The following SPAST variants were observed in gnomAD, a reference collection of about 807,000 sequenced individuals.
SPAST encodes spastin.
A neutral mutation model predicts 76.6 loss-of-function variants in SPAST; 30 were observed. The observed-to-expected ratio is 0.39, with a 90% confidence interval of 0.29 to 0.53. The LOEUF (loss-of-function observed/expected upper bound fraction) is 0.53. SPAST is among the 20% of genes least tolerant of loss of function. The pLI is 0.68. For missense variants in SPAST, 717 were observed against 770.5 expected, an observed-to-expected ratio of 0.93 and a Z score of 0.82; for synonymous variants, 305 against 281.0, an observed-to-expected ratio of 1.09 and a Z score of -0.86.
intron 1 of SPAST, among the ~76,000 whole-genome samples, chr2:32,085,067 A>G (rs947528097): frequency 1.2e-4 from 18 of 152,158 alleles, no homozygotes; most frequent in East Asian, 9.6e-4. Context: ...ACTATTTTCT[A>G]TAATTTTCCC....
intron 7 of SPAST, among the ~76,000 whole-genome samples, chr2:32,118,550 A>G (rs914690128): frequency 3.3e-5 from 5 of 152,224 alleles, no homozygotes; most frequent in East Asian, 1.9e-4. Context: ...AGTAAATGCT[A>G]TAGACTAAAT....
chr2:32,095,714 G>A (rs994191611), intron 3 of SPAST, among the ~76,000 whole-genome samples: 5 of 152,088 alleles, frequency 3.3e-5, no homozygotes, highest in Non-Finnish European at 7.4e-5. Flanking sequence ...ACTCTAGTCT[G>A]GGTGACAGAG....
chr2:32,076,232 G>C (rs935636509), intron 1 of SPAST, among the ~76,000 whole-genome samples: 2 of 151,990 alleles, frequency 1.3e-5, no homozygotes, highest in African/African-American at 4.8e-5. Flanking sequence ...TAAATAAGGT[G>C]ACATTTTTAA....
chr2:32,103,619 C>A (rs749940787), intron 4 of SPAST, among the ~76,000 whole-genome samples: 18 of 151,854 alleles, frequency 1.2e-4, no homozygotes, highest in Non-Finnish European at 2.4e-4. Flanking sequence ...TATAAATTTC[C>A]CTCTACACAC....
intron 1 of SPAST, among the ~76,000 whole-genome samples, chr2:32,082,583 C>G (rs1677282109): frequency 6.6e-6 from 1 of 151,952 alleles, no homozygotes; most frequent in African/African-American, 2.4e-5. Context: ...TTCATCCCAG[C>G]TACTTGGGAG....
At chr2:32,091,628 T>C (rs969195398) in intron 3 of SPAST, among the ~76,000 whole-genome samples, 38 of 150,172 alleles carry the variant, frequency 2.5e-4, no homozygotes, top group Non-Finnish European at 4.3e-4. Context: ...GTCAGGAGAT[T>C]GAGACCATCC....
intron 3 of SPAST, among the ~76,000 whole-genome samples, chr2:32,089,887 C>G (rs1317367003): frequency 2.0e-5 from 3 of 152,062 alleles, no homozygotes; most frequent in Admixed American, 2.0e-4. Flanking sequence ...CCTCAGCCTC[C>G]TGAGTAGCTG....
intron 1 of SPAST, among the ~76,000 whole-genome samples, chr2:32,083,458 C>G (rs1262327102): frequency 6.6e-6 from 1 of 151,522 alleles, no homozygotes; most frequent in Admixed American, 6.6e-5. Flanking sequence ...ATGAAAGGTC[C>G]ATTACCCTTT....
chr2:32,149,581 G>T (rs911287348), intron 16 of SPAST, among the ~76,000 whole-genome samples: 8 of 152,258 alleles, frequency 5.3e-5, no homozygotes, highest in South Asian at 4.1e-4. Context: ...TGCATTCATG[G>T]ATTCAACCAA....
chr2:32,093,626 C>A (rs1677808213), intron 3 of SPAST, among the ~76,000 whole-genome samples: 1 of 152,136 alleles, frequency 6.6e-6, no homozygotes, highest in African/African-American at 2.4e-5. Context: ...TATCTGTCTT[C>A]TCCCTGTTGG....
In SPAST at chr2:32,063,698, C is replaced by T. The variant is rs1676375099; in HGVS notation, c.-134C>T. 4.9e-5 allele frequency: 58 copies of T among 1,186,812 alleles called. 1 individual carries two copies. The South Asian group carries it at 8.1e-4, about 17-fold the overall frequency. 73.5% of individuals were successfully genotyped at this position (1,186,812 alleles called of 1,614,324 possible). A position where few individuals can be genotyped will look rare whatever the true frequency, so the allele number is the denominator to read the frequency against. Reference sequence around the variant, plus strand: ...GGCGGGGCCGGCGGGCAGCGTGCGGCAGTGCGGAGCTCCTGAGACCGGCGG... The same window carrying T: ...GGCGGGGCCGGCGGGCAGCGTGCGGTAGTGCGGAGCTCCTGAGACCGGCGG... On this transcript the variant is annotated 5_prime_UTR_variant, in exon 1 of 17. Coordinates refer to ENST00000315285, the MANE Select transcript of SPAST (RefSeq NM_014946.4).
intron 4 of SPAST, among the ~76,000 whole-genome samples, chr2:32,108,758 C>CTTTTTTTTTTT (rs71407413): frequency 4.1e-5 from 3 of 73,888 alleles, no homozygotes; most frequent in African/African-American, 5.2e-5. Flanking sequence ...GCTGGTATAG[C>CTTTTTTTTTTT]TTTTTTTTTT....
chr2:32,141,118 C>T (rs1679706872), intron 12 of SPAST, among the ~76,000 whole-genome samples: 1 of 152,056 alleles, frequency 6.6e-6, no homozygotes, highest in Non-Finnish European at 1.5e-5. Flanking sequence ...TGCAGCCTCC[C>T]TCACTTACAG....
chr2:32,069,376 A>G (rs1009305393), intron 1 of SPAST, among the ~76,000 whole-genome samples: 5 of 152,062 alleles, frequency 3.3e-5, no homozygotes, highest in African/African-American at 1.2e-4. Context: ...TTGACAACAC[A>G]AACCTTAGTT....
intron 7 of SPAST, chr2:32,126,721 A>G: frequency 2.1e-6 from 1 of 467,586 alleles, no homozygotes; most frequent in Non-Finnish European, 3.8e-6. Context: ...TCTTGGGCTC[A>G]TGTAATCCTC....
At chr2:32,092,378 A>C (rs1162649159) in intron 3 of SPAST, among the ~76,000 whole-genome samples, 6 of 152,220 alleles carry the variant, frequency 3.9e-5, no homozygotes, top group Non-Finnish European at 8.8e-5. Flanking sequence ...CAGTGTATAT[A>C]TAAAGTATAT....
intron 3 of SPAST, among the ~76,000 whole-genome samples, chr2:32,097,392 A>G (rs1272887544): frequency 1.3e-5 from 2 of 152,168 alleles, no homozygotes; most frequent in Non-Finnish European, 2.9e-5. Context: ...ATCCCATTCT[A>G]TGCCCTGGCT....
chr2:32,110,699 G>C (rs1408089305), intron 4 of SPAST, among the ~76,000 whole-genome samples: 1 of 132,280 alleles, frequency 7.6e-6, no homozygotes, highest in Non-Finnish European at 1.6e-5. Flanking sequence ...TGTATATATA[G>C]TGTACATAGT....
intron 3 of SPAST, among the ~76,000 whole-genome samples, chr2:32,091,082 A>G (rs1677694710): frequency 6.6e-6 from 1 of 151,916 alleles, no homozygotes; most frequent in African/African-American, 2.4e-5. Context: ...ACTCAAAAAA[A>G]GTAGAACAAA....
Sources: allele counts gnomAD v4.1 joint callset (sites outside exome capture counted in the v4.1 genomes callset), GRCh38; gene constraint gnomAD v4.1.1; transcripts MANE v1.5; gene names NCBI Gene and HGNC (gene_info 2026-07-23, HGNC 2026-07-21).